The following PAGE2B variants were observed in gnomAD, a reference collection of about 807,000 sequenced individuals.
The protein encoded by PAGE2B is putative G antigen family E member 3.
In PAGE2B, 5 loss-of-function variants were observed where a neutral mutation model predicts 7.6. The observed-to-expected ratio is 0.66, with a 90% CI of 0.34 to 1.38. PAGE2B has a LOEUF of 1.38. Among genes scored for constraint, PAGE2B ranks in the 40% most tolerant of loss-of-function variants. PAGE2B has a pLI of 0.04. For synonymous variants in PAGE2B, 29 were observed against 26.7 expected, an observed-to-expected ratio of 1.09 and a Z score of -0.27; for missense variants, 70 against 78.4, an observed-to-expected ratio of 0.89 and a Z score of 0.41.
the PAGE2B span, among the ~76,000 whole-genome samples, chrX:55,058,770 T>C: frequency 9.0e-6 from 1 of 111,290 alleles, no homozygotes; most frequent in Non-Finnish European, 1.9e-5. Flanking sequence ...ACCCAGGTCT[T>C]CCTGTTTCTG....
At chrX:55,055,667 G>A in the PAGE2B span, 18 of 127,393 alleles carry the variant, frequency 1.4e-4, no homozygotes, top group South Asian at 3.1e-3. Flanking sequence ...TGCTTTTTCC[G>A]TCTTCTTCTA....
At chrX:55,063,354 C>A in the PAGE2B span, among the ~76,000 whole-genome samples, 1 of 110,794 alleles carries the variant, frequency 9.0e-6, no homozygotes, top group African/African-American at 3.3e-5. Context: ...TTTAAAATTT[C>A]TTTTTCTGAT....
the PAGE2B span, among the ~76,000 whole-genome samples, chrX:55,053,350 A>G: frequency 9.0e-6 from 1 of 111,476 alleles, no homozygotes; most frequent in African/African-American, 3.3e-5. Context: ...GAGGGGAACA[A>G]CACACACTGG....
the PAGE2B span, among the ~76,000 whole-genome samples, chrX:55,031,290 G>A: frequency 1.0e-3 from 113 of 111,466 alleles, no homozygotes; most frequent in African/African-American, 3.6e-3. Context: ...TATAAAAGGA[G>A]GGCAATAAAA....
intron 1 of PAGE2B, among the ~76,000 whole-genome samples, chrX:55,075,426 T>C (rs1936497651): frequency 9.0e-6 from 1 of 110,556 alleles, no homozygotes; most frequent in Non-Finnish European, 1.9e-5. Context: ...GAGAGGACAG[T>C]TTCCAGACTC....
rs752877916 is a variant in PAGE2B at position 55,075,497 on chromosome X, A to G, written c.-9+383A>G. ...TAAGGAAGGGGCCTGGGAACTGGGA[A>G]CGCTGTGGGCCGGTGACTGTGGCCC... On this transcript the variant is annotated intron_variant, in intron 1 of 4. Coordinates refer to ENST00000374971, the MANE Select transcript of PAGE2B (RefSeq NM_001015038.3). Among the ~76,000 whole-genome samples the G allele has an allele frequency of 2.3e-3, 261 of 111,072 alleles. 7 individuals carry two copies. In the East Asian group the frequency reaches 0.066, roughly 28 times the overall value.
At chrX:55,037,555 T>A in the PAGE2B span, among the ~76,000 whole-genome samples, 1 of 111,330 alleles carries the variant, frequency 9.0e-6, no homozygotes. Flanking sequence ...TTACTGGGTA[T>A]ATACCCAAAG....
chrX:55,063,658 T>C, the PAGE2B span, among the ~76,000 whole-genome samples: 1 of 111,249 alleles, frequency 9.0e-6, no homozygotes, highest in African/African-American at 3.3e-5. Flanking sequence ...AGGATTTCAG[T>C]TTTTCCCCAT....
the PAGE2B span, among the ~76,000 whole-genome samples, chrX:55,065,015 G>A: frequency 8.9e-6 from 1 of 111,807 alleles, no homozygotes; most frequent in Non-Finnish European, 1.9e-5. Context: ...AAAAAAATGT[G>A]TATTCTGAAG....
chrX:55,030,623 G>T, the PAGE2B span, among the ~76,000 whole-genome samples: 1 of 111,257 alleles, frequency 9.0e-6, no homozygotes, highest in East Asian at 2.8e-4. Flanking sequence ...GGGAGAGAAA[G>T]AAATTTAGAG....
the PAGE2B span, among the ~76,000 whole-genome samples, chrX:55,067,710 C>G: frequency 8.9e-6 from 1 of 111,819 alleles, no homozygotes; most frequent in Non-Finnish European, 1.9e-5. Context: ...TCCTCTCCAG[C>G]ATCTGTTGTT....
chrX:55,075,162 T>G, intron 1 of PAGE2B, 48 bp downstream of exon 1: 1 of 120,976 alleles, frequency 8.3e-6, no homozygotes, highest in Non-Finnish European at 1.7e-5. Flanking sequence ...TGGGTGAATG[T>G]GTGGAGGAGC....
chrX:55,042,071 A>G, the PAGE2B span, among the ~76,000 whole-genome samples: 8 of 111,408 alleles, frequency 7.2e-5, no homozygotes, highest in Non-Finnish European at 1.5e-4. Flanking sequence ...CAAATAAGAA[A>G]AAGAAATAAA....
chrX:55,051,755 C>A, the PAGE2B span, among the ~76,000 whole-genome samples: 4 of 111,399 alleles, frequency 3.6e-5, no homozygotes, highest in Non-Finnish European at 5.7e-5. Flanking sequence ...TTTGTTCGAA[C>A]TTCCTCCTTT....
At chrX:55,052,785 G>A in the PAGE2B span, among the ~76,000 whole-genome samples, 26 of 112,646 alleles carry the variant, frequency 2.3e-4, no homozygotes, top group African/African-American at 2.9e-4. Flanking sequence ...GCCCTGCTTC[G>A]GCTCACACAC....
At chrX:55,051,427 C>G in the PAGE2B span, among the ~76,000 whole-genome samples, 1 of 112,226 alleles carries the variant, frequency 8.9e-6, no homozygotes, top group Non-Finnish European at 1.9e-5. Context: ...TCCACTCTCC[C>G]TGTCACTTTC....
At chrX:55,046,944 A>G in the PAGE2B span, among the ~76,000 whole-genome samples, 66 of 111,057 alleles carry the variant, frequency 5.9e-4, no homozygotes, top group Non-Finnish European at 3.0e-4. Flanking sequence ...CTTTTTTTTT[A>G]TACTTTAAGT....
the PAGE2B span, among the ~76,000 whole-genome samples, chrX:55,059,317 A>C: frequency 5.4e-5 from 6 of 111,316 alleles, no homozygotes; most frequent in Admixed American, 1.9e-4. Context: ...CTGTGCATAC[A>C]AATTTCCTCT....
At chrX:55,036,259 A>G in the PAGE2B span, among the ~76,000 whole-genome samples, 45 of 111,315 alleles carry the variant, frequency 4.0e-4, no homozygotes, top group Admixed American at 2.0e-3. Flanking sequence ...GGGACAATTT[A>G]ACTTCCTCTT....
Sources: allele counts gnomAD v4.1 joint callset (sites outside exome capture counted in the v4.1 genomes callset), GRCh38; gene constraint gnomAD v4.1.1; transcripts MANE v1.5; gene names NCBI Gene and HGNC (gene_info 2026-07-23, HGNC 2026-07-21).